The following RBFOX1 variants were observed in gnomAD, a reference collection of about 807,000 sequenced individuals.
RBFOX1 encodes RNA binding fox-1 homolog 1.
Under a neutral mutation model 57.7 loss-of-function variants are expected in RBFOX1, and 8 were observed. The ratio of observed to expected loss-of-function variants is 0.14; its 90% CI spans 0.08 to 0.25. The LOEUF (loss-of-function observed/expected upper bound fraction) is 0.25. Ranked by LOEUF, RBFOX1 falls within the 10% of genes least tolerant of loss-of-function variation. The probability of loss-of-function intolerance (pLI) is 1.00; values close to 1 mark genes in which losing one functional copy is unlikely to be tolerated. For synonymous variants in RBFOX1, 326 were observed against 222.4 expected, an observed-to-expected ratio of 1.47 and a Z score of -4.15; for missense variants, 611 against 548.5, an observed-to-expected ratio of 1.11 and a Z score of -1.14.
chr16:7,406,020 T>C (rs939522658), intron 4 of RBFOX1, among the ~76,000 whole-genome samples: 1 of 152,010 alleles, frequency 6.6e-6, no homozygotes, highest in Non-Finnish European at 1.5e-5. Context: ...ACAGAGCATA[T>C]CCCCCACAAC....
At chr16:7,068,286 A>G (rs112138194) in intron 4 of RBFOX1, among the ~76,000 whole-genome samples, 2,933 of 152,280 alleles carry the variant, frequency 0.019, 102 homozygotes, top group African/African-American at 0.066. Flanking sequence ...CCCCACTCTA[A>G]GTAGACTGAT....
At chr16:7,060,996 G>T (rs2054072786) in intron 4 of RBFOX1, among the ~76,000 whole-genome samples, 1 of 151,454 alleles carries the variant, frequency 6.6e-6, no homozygotes, top group African/African-American at 2.4e-5. Flanking sequence ...GATCTTCATG[G>T]TTGATGAGAT....
At chr16:5,315,151 G>A (rs2064200955) in intron 1 of RBFOX1, among the ~76,000 whole-genome samples, 1 of 152,166 alleles carries the variant, frequency 6.6e-6, no homozygotes, top group Admixed American at 6.5e-5. Flanking sequence ...TACAGATCAC[G>A]TTGTTGGTGG....
At chr16:6,558,715 C>G (rs2097138678) in intron 2 of RBFOX1, among the ~76,000 whole-genome samples, 1 of 152,116 alleles carries the variant, frequency 6.6e-6, no homozygotes, top group Non-Finnish European at 1.5e-5. Context: ...CTCCGTCCGT[C>G]CCACTCTCAC....
At chr16:6,488,825 C>T (rs111491022) in intron 2 of RBFOX1, among the ~76,000 whole-genome samples, 2 of 152,110 alleles carry the variant, frequency 1.3e-5, no homozygotes, top group Admixed American at 6.5e-5. Context: ...AACAAATTAC[C>T]TGGCCCCAAA....
intron 2 of RBFOX1, among the ~76,000 whole-genome samples, chr16:5,526,812 G>C (rs2089407): frequency 0.73 from 111,036 of 152,110 alleles, 41,795 homozygotes; most frequent in African/African-American, 0.91. Flanking sequence ...TTGTAGGCAG[G>C]AAGCGTGTTA....
At chr16:7,093,133 G>C (rs1169834029) in intron 4 of RBFOX1, among the ~76,000 whole-genome samples, 2 of 152,298 alleles carry the variant, frequency 1.3e-5, no homozygotes, top group East Asian at 3.9e-4. Flanking sequence ...TTTTACCCCA[G>C]TGAATTCTGA....
chr16:7,233,016 A>G (rs2093588928), intron 4 of RBFOX1, among the ~76,000 whole-genome samples: 1 of 152,128 alleles, frequency 6.6e-6, no homozygotes, highest in Non-Finnish European at 1.5e-5. Context: ...CTGGACTGCT[A>G]AAATAGGCTA....
chr16:7,446,142 A>G (rs2098805855), intron 4 of RBFOX1, among the ~76,000 whole-genome samples: 2 of 152,238 alleles, frequency 1.3e-5, no homozygotes, highest in African/African-American at 2.4e-5. Context: ...AATTAACACC[A>G]GAGAAGGAAA....
intron 4 of RBFOX1, among the ~76,000 whole-genome samples, chr16:7,266,220 C>A (rs1264769274): frequency 7.0e-6 from 1 of 143,434 alleles, no homozygotes; most frequent in Non-Finnish European, 1.5e-5. Flanking sequence ...CGTGACCCGG[C>A]CGCCTCGGCC....
At chr16:5,715,015 T>C (rs1218151000) in intron 3 of RBFOX1, among the ~76,000 whole-genome samples, 1 of 152,230 alleles carries the variant, frequency 6.6e-6, no homozygotes, top group Non-Finnish European at 1.5e-5. Flanking sequence ...AAATGGTACA[T>C]CTGCCTTAGG....
intron 2 of RBFOX1, among the ~76,000 whole-genome samples, chr16:6,435,827 C>G (rs927261187): frequency 6.6e-6 from 1 of 152,122 alleles, no homozygotes; most frequent in Non-Finnish European, 1.5e-5. Flanking sequence ...GGTAGTCAAA[C>G]AGTAGATGGA....
At chr16:7,681,134 G>C (rs2146710905) in intron 14 of RBFOX1, among the ~76,000 whole-genome samples, 1 of 152,252 alleles carries the variant, frequency 6.6e-6, no homozygotes, top group East Asian at 1.9e-4. Context: ...CATATTTTCA[G>C]GTTCATAGAG....
intron 5 of RBFOX1, among the ~76,000 whole-genome samples, chr16:7,533,527 C>G (rs1243010252): frequency 6.6e-6 from 1 of 152,230 alleles, no homozygotes; most frequent in Non-Finnish European, 1.5e-5. Context: ...ATTTAATACA[C>G]TTCCCCTACT....
intron 4 of RBFOX1, among the ~76,000 whole-genome samples, chr16:7,326,096 T>G (rs1300000907): frequency 6.6e-6 from 1 of 152,204 alleles, no homozygotes. Flanking sequence ...TTGGACTCCC[T>G]GCGCCTCTGT....
At chr16:5,462,131 A>T (rs1015964423) in intron 1 of RBFOX1, among the ~76,000 whole-genome samples, 3 of 151,536 alleles carry the variant, frequency 2.0e-5, no homozygotes, top group African/African-American at 7.3e-5. Flanking sequence ...CCCATGAGCA[A>T]GCATAAAAGA....
chr16:7,653,077 G>A (rs1462393789), intron 11 of RBFOX1, among the ~76,000 whole-genome samples: 3 of 152,132 alleles, frequency 2.0e-5, no homozygotes, highest in Non-Finnish European at 4.4e-5. Context: ...ATATATACAT[G>A]CACACATTCA....
At chr16:7,397,176 C>G (rs146573830) in intron 4 of RBFOX1, among the ~76,000 whole-genome samples, 82 of 152,258 alleles carry the variant, frequency 5.4e-4, no homozygotes, top group African/African-American at 1.8e-3. Context: ...ATGTTACCAT[C>G]TTTATCTTCT....
intron 1 of RBFOX1, among the ~76,000 whole-genome samples, chr16:6,282,935 TAA>T (rs2076541032): frequency 6.6e-6 from 1 of 152,214 alleles, no homozygotes; most frequent in East Asian, 1.9e-4. Flanking sequence ...AGTTCATAGT[TAA>T]GAGAACCCTC....
Sources: allele counts gnomAD v4.1 joint callset (sites outside exome capture counted in the v4.1 genomes callset), GRCh38; gene constraint gnomAD v4.1.1; transcripts MANE v1.5; gene names NCBI Gene and HGNC (gene_info 2026-07-23, HGNC 2026-07-21).